The following CLMP variants were observed in gnomAD, a reference collection of about 807,000 sequenced individuals.
CLMP encodes the protein CXADR-like membrane protein.
Under a neutral mutation model 45.2 loss-of-function variants are expected in CLMP, and 27 were observed. That is an observed-to-expected ratio of 0.60 (90% CI 0.44 to 0.82). The LOEUF is 0.82. CLMP is among the 40% of genes least tolerant of loss of function. CLMP has a pLI of 0.00. For synonymous variants in CLMP, 167 were observed against 171.4 expected, an observed-to-expected ratio of 0.97 and a Z score of 0.20; for missense variants, 403 against 448.4, an observed-to-expected ratio of 0.90 and a Z score of 0.91.
intron 1 of CLMP, among the ~76,000 whole-genome samples, chr11:123,116,590 G>A (rs1860723883): frequency 6.6e-6 from 1 of 151,834 alleles, no homozygotes; most frequent in African/African-American, 2.4e-5. Context: ...AATAAATAAA[G>A]CCTTAAAAAT....
rs1411640858 is a variant in CLMP at position 123,073,764 on chromosome 11, C to G, written c.832G>C (p.Glu278Gln). The stretch of plus-strand genomic sequence containing the variant: ...TTCACAAGACGGGCTTTTGGAGCTT[C>G]AGCATCTTCTCTGAAGAGAAAAAAC... ...ERPNEIREDAEAPKARLVKPS... is the reference protein window; with the variant it reads ...ERPNEIREDAQAPKARLVKPS... Residue 278 changes from glutamate to glutamine, a missense_variant, in exon 7 of 7, where the codon GAA becomes CAA. Physicochemically the swap from Glu to Gln is conservative, Grantham distance 29 (BLOSUM62 2). Transcript: ENST00000448775. 6.3e-7 allele frequency: 1 copy of G among 1,592,644 alleles called. No homozygotes were observed. Among genetic ancestry groups the G allele is most frequent in the Admixed American group, 1.8e-5 (1 of 56,354 alleles).
At position 123,091,200 on chromosome 11, in the gene CLMP, G is replaced by A. The variant is rs566601009; in HGVS notation, c.187-6487C>T. ...GCTCACTGCAACCTTTGCCTCCTGC[G>A]TTCAAGCGATTCTCCTGCCTCAGCC... On this transcript the variant is annotated intron_variant, in intron 2 of 6. Transcript: ENST00000448775. Among the ~76,000 whole-genome samples the A allele has an allele frequency of 6.9e-4, 105 of 152,188 alleles. 1 individual carries two copies. The highest frequency in any genetic ancestry group is 2.4e-3 in the African/African-American group (99 of 41,546).
Position 123,073,498 on chromosome 11 carries a change from C to T in CLMP, c.1098G>A (p.Gln366=). The T allele has an allele frequency of 6.2e-7, 1 of 1,613,738 alleles. No individual in the cohort carries two copies. The change falls in exon 7 of 7, where the codon CAG becomes CAA. Residue 366 remains glutamine, a synonymous_variant. Coordinates refer to ENST00000448775, the MANE Select transcript of CLMP (RefSeq NM_024769.5). ...TTCAGACCGTTTGGAAGGCTCTGCT[C>T]TGGCTGGGGATCATGCTGGGTGTGG... ...AETTPSMIPS[Q]SRAFQTV
chr11:123,159,625 T>C (rs1861458189), intron 1 of CLMP, among the ~76,000 whole-genome samples: 2 of 152,072 alleles, frequency 1.3e-5, no homozygotes, highest in African/African-American at 4.8e-5. Context: ...CTTAACAGAA[T>C]AAGGGAGGGG....
Position 123,087,229 on chromosome 11 carries a change from C to T in CLMP, c.187-2516G>A, listed in dbSNP as rs190689928. ...GCGCATGCCTATAATCCCAGCTACTCGGGAGGCTGAGGCAGGAGAATTGCT... is the reference window on the plus strand; with the variant it reads ...GCGCATGCCTATAATCCCAGCTACTTGGGAGGCTGAGGCAGGAGAATTGCT... On this transcript the variant is annotated intron_variant, in intron 2 of 6. Coordinates refer to ENST00000448775, the MANE Select transcript of CLMP (RefSeq NM_024769.5). Among the ~76,000 whole-genome samples, 1,012 of 152,156 alleles carry T rather than the reference C, an allele frequency of 6.7e-3. 13 individuals are homozygous for T. Among genetic ancestry groups the T allele is most frequent in the African/African-American group, 0.023 (957 of 41,522 alleles).
chr11:123,157,776 C>T (rs979766465), intron 1 of CLMP, among the ~76,000 whole-genome samples: 9 of 149,978 alleles, frequency 6.0e-5, no homozygotes, highest in Non-Finnish European at 1.0e-4. Flanking sequence ...GTGGAGTTAC[C>T]GGCCTGGGTT....
intron 1 of CLMP, among the ~76,000 whole-genome samples, chr11:123,178,942 A>G (rs966006055): frequency 6.6e-6 from 1 of 152,196 alleles, no homozygotes; most frequent in Non-Finnish European, 1.5e-5. Flanking sequence ...AGTGTCTGTT[A>G]CAGATAAATT....
At chr11:123,075,558 T>C (rs971984652) in intron 5 of CLMP, among the ~76,000 whole-genome samples, 3 of 151,982 alleles carry the variant, frequency 2.0e-5, no homozygotes, top group African/African-American at 7.2e-5. Flanking sequence ...GGCTAGTTTT[T>C]TTGTATTTTT....
intron 1 of CLMP, among the ~76,000 whole-genome samples, chr11:123,147,904 C>T (rs1861261253): frequency 6.6e-6 from 1 of 151,200 alleles, no homozygotes; most frequent in Non-Finnish European, 1.5e-5. Flanking sequence ...CCTCGAACTG[C>T]TGACCTCAAG....
chr11:123,150,717 C>CT (rs1221272532), intron 1 of CLMP, among the ~76,000 whole-genome samples: 1 of 152,066 alleles, frequency 6.6e-6, no homozygotes, highest in Non-Finnish European at 1.5e-5. Context: ...GTCATGACTT[C>CT]TTTTTTTGTT....
intron 1 of CLMP, among the ~76,000 whole-genome samples, chr11:123,152,468 A>G (rs1260922721): frequency 6.6e-6 from 1 of 152,034 alleles, no homozygotes; most frequent in Non-Finnish European, 1.5e-5. Flanking sequence ...GGTTGCAGTG[A>G]GCCGAGATCG....
intron 1 of CLMP, among the ~76,000 whole-genome samples, chr11:123,123,739 A>G (rs1243975564): frequency 6.6e-6 from 1 of 152,184 alleles, no homozygotes; most frequent in East Asian, 1.9e-4. Flanking sequence ...CAATCCATAC[A>G]CAATTCCTGA....
chr11:123,118,104 G>A (rs2135496648), intron 1 of CLMP, among the ~76,000 whole-genome samples: 1 of 152,198 alleles, frequency 6.6e-6, no homozygotes, highest in South Asian at 2.1e-4. Context: ...AACAACCAGT[G>A]TATAGGTTCG....
chr11:123,155,096 G>T (rs150801243), intron 1 of CLMP, among the ~76,000 whole-genome samples: 19 of 152,232 alleles, frequency 1.2e-4, no homozygotes, highest in Admixed American at 1.0e-3. Context: ...TCAAGTGATC[G>T]TCCTGACTTA....
intron 1 of CLMP, among the ~76,000 whole-genome samples, chr11:123,192,510 G>A (rs974377410): frequency 4.6e-5 from 7 of 152,170 alleles, no homozygotes; most frequent in Admixed American, 1.3e-4. Context: ...GGACAGGAAC[G>A]TGGCAGCTAC....
chr11:123,154,296 T>C (rs539794554), intron 1 of CLMP, among the ~76,000 whole-genome samples: 8 of 152,272 alleles, frequency 5.3e-5, no homozygotes, highest in Middle Eastern at 3.4e-3. Context: ...CCAGAAAGCC[T>C]GAACATGCAA....
rs2135459608 is a variant in CLMP at position 123,073,666 on chromosome 11, A to C, written c.930T>G (p.Ser310Arg). The C allele has an allele frequency of 6.2e-7, 1 of 1,614,226 alleles. No homozygotes were observed. Among genetic ancestry groups the C allele is most frequent in the Non-Finnish European group, 8.5e-7 (1 of 1,180,050 alleles). ...ACAGTGTCCGCTGGCTGCGTGAGGCACTATTTGCTGTGGAGCGAGTGGAGG... is the reference window on the plus strand; with the variant it reads ...ACAGTGTCCGCTGGCTGCGTGAGGCCCTATTTGCTGTGGAGCGAGTGGAGG... Reference protein sequence around the residue: ...GSSSTRSTANSASRSQRTLST... With the variant: ...GSSSTRSTANRASRSQRTLST... Residue 310 changes from serine (S) to arginine (R), a missense_variant, in exon 7 of 7, where the codon AGT (serine) becomes AGG (arginine). Coordinates refer to ENST00000448775, the MANE Select transcript of CLMP (RefSeq NM_024769.5).
intron 1 of CLMP, among the ~76,000 whole-genome samples, chr11:123,177,147 T>C (rs1299455928): frequency 6.6e-6 from 1 of 152,140 alleles, no homozygotes; most frequent in Non-Finnish European, 1.5e-5. Flanking sequence ...AGTCTTAGGG[T>C]AAAGATGGTA....
At chr11:123,132,799 G>A (rs1312980407) in intron 1 of CLMP, among the ~76,000 whole-genome samples, 1 of 150,438 alleles carries the variant, frequency 6.6e-6, no homozygotes, top group African/African-American at 2.5e-5. Context: ...TTTTTTTTGA[G>A]ACAGGGTCTC....
Sources: allele counts gnomAD v4.1 joint callset (sites outside exome capture counted in the v4.1 genomes callset), GRCh38; gene constraint gnomAD v4.1.1; transcripts MANE v1.5; gene names NCBI Gene and HGNC (gene_info 2026-07-23, HGNC 2026-07-21).